CEP43: variants seen among roughly 807,000 people sequenced by gnomAD.
The protein encoded by CEP43 is FGFR1 oncogene partner.
A neutral mutation model predicts 52.6 loss-of-function variants in CEP43; 36 were observed. That is an observed-to-expected ratio of 0.68 (90% CI 0.52 to 0.90). CEP43 has a LOEUF of 0.90. CEP43 is among the 40% of genes least tolerant of loss of function. The pLI, the probability that CEP43 is intolerant of heterozygous loss-of-function variation, is 0.00. For missense variants in CEP43, 506 were observed against 472.8 expected, an observed-to-expected ratio of 1.07 and a Z score of -0.65; for synonymous variants, 192 against 172.4, an observed-to-expected ratio of 1.11 and a Z score of -0.89.
At chr6:167,012,012 C>T (rs915549042) in intron 6 of CEP43, among the ~76,000 whole-genome samples, 2 of 152,254 alleles carry the variant, frequency 1.3e-5, no homozygotes, top group Non-Finnish European at 2.9e-5. Flanking sequence ...ATTTTCATCC[C>T]ATAGGAATAG....
intron 7 of CEP43, among the ~76,000 whole-genome samples, chr6:167,017,838 C>T (rs16899788): frequency 0.02 from 3,095 of 152,150 alleles, 53 homozygotes; most frequent in East Asian, 0.092. Context: ...ACTTAATGAC[C>T]GTTGTAGTGC....
rs113903286 is a variant in CEP43 at position 167,039,443 on chromosome 6, T to C, written c.1126-461T>C. Among the ~76,000 whole-genome samples, 6 of 152,344 alleles carry C rather than the reference T, an allele frequency of 3.9e-5. 1 individual carries two copies. The highest frequency in any genetic ancestry group is 1.4e-4 in the African/African-American group (6 of 41,582). On this transcript the variant is annotated intron_variant, in intron 12 of 12. Transcript: ENST00000366847. ...TGCGCCTGGCCTATTTGTTCCTTTT[T>C]ATGGCTGAGTAGTATTCCATGGTAT... is the stretch of plus-strand genomic sequence containing the variant.
intron 7 of CEP43, among the ~76,000 whole-genome samples, chr6:167,015,511 C>T (rs897889020): frequency 2.0e-5 from 3 of 152,176 alleles, no homozygotes; most frequent in Admixed American, 6.5e-5. Context: ...TGGAGCCATC[C>T]GCATGGTAGG....
At chr6:167,009,271 A>G (rs1197983286) in intron 5 of CEP43, among the ~76,000 whole-genome samples, 1 of 151,838 alleles carries the variant, frequency 6.6e-6, no homozygotes, top group Non-Finnish European at 1.5e-5. Flanking sequence ...TCAAACCTGT[A>G]ATCCCACATT....
chr6:167,040,505 T>C lies in CEP43; in HGVS notation c.*527T>C. On this transcript the variant is annotated 3_prime_UTR_variant, in exon 13 of 13. Coordinates refer to ENST00000366847, the MANE Select transcript of CEP43 (RefSeq NM_007045.4). ...TAAGTTAAATTTGATGTGTCAACTT[T>C]ATTTTGTATTTCCTTCCATTTGGAA... 8.9e-7 allele frequency: 1 copy of C among 1,129,342 alleles called. No individual in the cohort carries two copies. Among genetic ancestry groups the C allele is most frequent in the Non-Finnish European group, 1.1e-6 (1 of 917,854 alleles). The allele number at this position is 1,129,342 out of a possible 1,614,324, so 70.0% of individuals were successfully genotyped here. A position where few individuals can be genotyped will look rare whatever the true frequency, so the allele number is the denominator to read the frequency against.
At position 167,000,109 on chromosome 6, in the gene CEP43, T is replaced by TAG. The variant is rs1562521255; in HGVS notation, c.155_156dup (p.Asn53ArgfsTer6). 6.2e-7 allele frequency: 1 copy of TAG among 1,611,178 alleles called. No homozygotes were observed. Among genetic ancestry groups the TAG allele is most frequent in the African/African-American group, 1.3e-5 (1 of 74,938 alleles). On this transcript the variant is annotated frameshift_variant, in exon 2 of 13. Coordinates refer to ENST00000366847, the MANE Select transcript of CEP43 (RefSeq NM_007045.4). LOFTEE classifies it high-confidence loss of function. ...TTAGCACTAGAGGAGCAAGAAAAAGTAGAGGTATGAAGTTTCCAGATTTTA... is the reference window on the plus strand; with the variant it reads ...TTAGCACTAGAGGAGCAAGAAAAAGTAGAGAGGTATGAAGTTTCCAGATTTTA...
chr6:167,030,520 A>G (rs1027212057), intron 10 of CEP43, among the ~76,000 whole-genome samples: 3 of 152,170 alleles, frequency 2.0e-5, no homozygotes, highest in Non-Finnish European at 4.4e-5. Flanking sequence ...AGCTCCTGAC[A>G]TGTCCCTCCT....
intron 8 of CEP43, among the ~76,000 whole-genome samples, chr6:167,024,282 A>G (rs1171067312): frequency 6.6e-6 from 1 of 152,182 alleles, no homozygotes; most frequent in African/African-American, 2.4e-5. Flanking sequence ...ATCTTTCTAT[A>G]AGAAAGTAAG....
intron 2 of CEP43, among the ~76,000 whole-genome samples, chr6:167,002,147 T>C (rs1779750842): frequency 1.3e-5 from 2 of 152,306 alleles, no homozygotes; most frequent in South Asian, 2.1e-4. Context: ...ACTGCGCATA[T>C]CCTTCAAACT....
intron 12 of CEP43, among the ~76,000 whole-genome samples, chr6:167,035,651 C>T (rs1780568137): frequency 6.6e-6 from 1 of 151,912 alleles, no homozygotes; most frequent in African/African-American, 2.4e-5. Flanking sequence ...ACTGCAAGCT[C>T]CGCCTCCCGG....
chr6:167,016,743 T>A lies in CEP43; in HGVS notation c.579+3176T>A, dbSNP rs372489709. ...GAATGGATACATGGATGCATGAATG[T>A]TCCCACACTTAGCCCTGTAGTAAAA... On this transcript the variant is annotated intron_variant, in intron 7 of 12. Coordinates refer to ENST00000366847, the MANE Select transcript of CEP43 (RefSeq NM_007045.4). 2.6e-5 allele frequency among the ~76,000 whole-genome samples: 4 copies of A among 152,280 alleles called. No individual in the cohort carries two copies. In the East Asian group the frequency reaches 7.7e-4, roughly 29 times the overall value.
chr6:167,028,371 T>G, intron 10 of CEP43: 1 of 985,388 alleles, frequency 1.0e-6, no homozygotes, highest in Non-Finnish European at 1.2e-6. Context: ...CACTTTGTCT[T>G]GGGACTTAGG....
rs9366080 is a variant in CEP43 at position 167,024,954 on chromosome 6, A to G, written c.919+60A>G. ...GATATTTTTTCTCTAATTAAATACTATGTGATTATTGTTGATTTTTTTTCC... is the reference window on the plus strand; with the variant it reads ...GATATTTTTTCTCTAATTAAATACTGTGTGATTATTGTTGATTTTTTTTCC... On this transcript the variant is annotated intron_variant, in intron 9 of 12. Coordinates refer to ENST00000366847, the MANE Select transcript of CEP43 (RefSeq NM_007045.4). The G allele has an allele frequency of 2.4e-5, 22 of 911,174 alleles. No homozygotes were observed. The East Asian group carries it at 3.2e-4, about 13-fold the overall frequency. The allele number at this position is 911,174 out of a possible 1,614,324, so 56.4% of individuals were successfully genotyped here.
chr6:167,044,182 G>A lies in CEP43; in HGVS notation c.*4204G>A, dbSNP rs1780757841. 6.5e-6 allele frequency: 1 copy of A among 153,504 alleles called. No individual in the cohort carries two copies. Among genetic ancestry groups the A allele is most frequent in the South Asian group, 2.1e-4 (1 of 4,858 alleles). The allele number at this position is 153,504 out of a possible 1,614,324, so 9.5% of individuals were successfully genotyped here. On this transcript the variant is annotated 3_prime_UTR_variant, in exon 13 of 13. Coordinates refer to ENST00000366847, the MANE Select transcript of CEP43 (RefSeq NM_007045.4). ...ATTCTTTATAAATTATCCAGTCCAA[G>A]GTACTTTAGGAACCTGAATGGATTA... is the stretch of plus-strand genomic sequence containing the variant.
Position 166,999,409 on chromosome 6 carries a change from C to G in CEP43, c.-4C>G. 1 of 1,470,168 alleles carries G rather than the reference C, an allele frequency of 6.8e-7. No individual in the cohort carries two copies. The allele number at this position is 1,470,168 out of a possible 1,614,324, so 91.1% of individuals were successfully genotyped here. ...GGCTTCGGCGGTTGTCTTGGAGAAGCAAGATGGCGGCGACGGCGGCCGCAG... is the reference window on the plus strand; with the variant it reads ...GGCTTCGGCGGTTGTCTTGGAGAAGGAAGATGGCGGCGACGGCGGCCGCAG... On this transcript the variant is annotated 5_prime_UTR_variant, in exon 1 of 13. Coordinates refer to ENST00000366847, the MANE Select transcript of CEP43 (RefSeq NM_007045.4).
chr6:167,014,873 A>AC, intron 7 of CEP43, among the ~76,000 whole-genome samples: 1 of 152,376 alleles, frequency 6.6e-6, no homozygotes, highest in East Asian at 1.9e-4. Flanking sequence ...ACCTTAAGTA[A>AC]GATATAAAAC....
chr6:167,030,218 A>G (rs1780437591), intron 10 of CEP43, among the ~76,000 whole-genome samples: 1 of 152,174 alleles, frequency 6.6e-6, no homozygotes. Context: ...CTTTAAATCC[A>G]CATTGCAGCC....
chr6:167,043,821 T>C lies in CEP43; in HGVS notation c.*3843T>C, dbSNP rs1047189119. On this transcript the variant is annotated 3_prime_UTR_variant, in exon 13 of 13. Transcript: ENST00000366847. ...ATTTAAGGAAAGTGAATGTATGTCA[T>C]GAAAGACAGATGAACAAAGAACTGA... 4 of 152,256 alleles carry C rather than the reference T, an allele frequency of 2.6e-5. No individual in the cohort carries two copies. The highest frequency in any genetic ancestry group is 9.6e-5 in the African/African-American group (4 of 41,536). 9.4% of individuals were successfully genotyped at this position (152,256 alleles called of 1,614,324 possible).
At chr6:167,032,532 A>G in intron 10 of CEP43, 71 bp from the exon 11 acceptor site, 1 of 1,378,130 alleles carries the variant, frequency 7.3e-7, no homozygotes. Context: ...TTTTTTAAGG[A>G]AATGTGTGTT....
Sources: allele counts gnomAD v4.1 joint callset (sites outside exome capture counted in the v4.1 genomes callset), GRCh38; gene constraint gnomAD v4.1.1; transcripts MANE v1.5; gene names NCBI Gene and HGNC (gene_info 2026-07-23, HGNC 2026-07-21).